WWP1: variants seen among roughly 807,000 people sequenced by gnomAD.
WWP1 encodes the protein WW domain containing E3 ubiquitin protein ligase 1.
Under a neutral mutation model 130.6 loss-of-function variants are expected in WWP1, and 49 were observed. That is an observed-to-expected ratio of 0.38 (90% confidence interval 0.30 to 0.48). The LOEUF (loss-of-function observed/expected upper bound fraction) is 0.48, where lower values mean the gene tolerates loss of function less well. Ranked by LOEUF, WWP1 falls within the 20% of genes least tolerant of loss-of-function variation. WWP1 has a pLI of 0.99. For synonymous variants in WWP1, 332 were observed against 367.8 expected, an observed-to-expected ratio of 0.90 and a Z score of 1.11; for missense variants, 809 against 1,100.6, an observed-to-expected ratio of 0.74 and a Z score of 3.75.
intron 9 of WWP1, 115 bp from the exon 10 acceptor site, chr8:86,425,108 G>A: frequency 4.5e-6 from 3 of 663,908 alleles, no homozygotes; most frequent in Non-Finnish European, 5.0e-6. Flanking sequence ...CTGTGTGTGT[G>A]TATAGTCTTT....
At chr8:86,433,130 T>A (rs1338545876) in intron 14 of WWP1, among the ~76,000 whole-genome samples, 2 of 152,122 alleles carry the variant, frequency 1.3e-5, no homozygotes, top group Non-Finnish European at 2.9e-5. Context: ...TTCTCTCTCC[T>A]GGCAAAAGTA....
At chr8:86,401,982 T>C (rs1808007870) in intron 7 of WWP1, 37 bp from the exon 8 acceptor site, 2 of 1,501,208 alleles carry the variant, frequency 1.3e-6, no homozygotes, top group Non-Finnish European at 1.8e-6. Context: ...TGTTGAATTA[T>C]ACTTAAATGA....
At chr8:86,400,039 G>A (rs1370653947) in intron 7 of WWP1, among the ~76,000 whole-genome samples, 2 of 152,090 alleles carry the variant, frequency 1.3e-5, no homozygotes, top group Non-Finnish European at 2.9e-5. Context: ...TGGGATAAAG[G>A]TAGATAGTAG....
chr8:86,448,091 C>T, intron 18 of WWP1, 57 bp from the exon 19 acceptor site: 1 of 1,422,996 alleles, frequency 7.0e-7, no homozygotes, highest in Non-Finnish European at 9.4e-7. Context: ...TATCATTGTT[C>T]TCTAAGAAAT....
At chr8:86,426,075 G>A (rs570933940) in intron 10 of WWP1, among the ~76,000 whole-genome samples, 9 of 152,206 alleles carry the variant, frequency 5.9e-5, no homozygotes, top group African/African-American at 2.2e-4. Flanking sequence ...TATTTTTATG[G>A]GATATTTCTC....
chr8:86,443,353 T>C (rs1810694885), intron 18 of WWP1, among the ~76,000 whole-genome samples: 1 of 152,150 alleles, frequency 6.6e-6, no homozygotes, highest in Non-Finnish European at 1.5e-5. Flanking sequence ...AGATTACAAA[T>C]GTGAGCCACC....
chr8:86,461,750 CTT>C, intron 23 of WWP1, 22 bp from the exon 24 acceptor site: 1 of 1,606,478 alleles, frequency 6.2e-7, no homozygotes, highest in Non-Finnish European at 8.5e-7. Flanking sequence ...ACCAGATAAA[CTT>C]TGTCTTATTT....
chr8:86,386,842 G>A (rs1163425533), intron 5 of WWP1: 1 of 152,132 alleles, frequency 6.6e-6, no homozygotes, highest in Non-Finnish European at 1.5e-5. Flanking sequence ...ACAGTTCTAG[G>A]ATCTGGAAGT....
Position 86,398,335 on chromosome 8 carries a change from T to C in WWP1, c.335-7T>C. The C allele has an allele frequency of 6.4e-7, 1 of 1,574,254 alleles. No homozygotes were observed. The highest frequency in any genetic ancestry group is 8.6e-7 in the Non-Finnish European group (1 of 1,160,714). The stretch of plus-strand genomic sequence containing the variant: ...AAGCTTTTAAATTAGAATATTCTTC[T>C]TTCTAGTGGAAAGAGTGAAAGAACA... On this transcript the variant is annotated splice_region_variant and splice_polypyrimidine_tract_variant and intron_variant, in intron 5 of 24. Coordinates refer to ENST00000517970, the MANE Select transcript of WWP1 (RefSeq NM_007013.4).
At chr8:86,432,925 G>C (rs1453167994) in intron 14 of WWP1, among the ~76,000 whole-genome samples, 1 of 152,092 alleles carries the variant, frequency 6.6e-6, no homozygotes, top group Non-Finnish European at 1.5e-5. Flanking sequence ...CATTTTTATT[G>C]CTCCCCTTTA....
chr8:86,437,574 T>A (rs994806485), intron 16 of WWP1, among the ~76,000 whole-genome samples: 1 of 152,158 alleles, frequency 6.6e-6, no homozygotes. Context: ...AAAATAGAAC[T>A]ATCCATTTAA....
intron 1 of WWP1, among the ~76,000 whole-genome samples, chr8:86,362,559 A>G (rs908369967): frequency 6.6e-6 from 1 of 152,102 alleles, no homozygotes; most frequent in African/African-American, 2.4e-5. Context: ...GAGTTCATCA[A>G]AGGAATTTTT....
chr8:86,384,332 T>C (rs1215230915), intron 5 of WWP1, among the ~76,000 whole-genome samples: 1 of 152,216 alleles, frequency 6.6e-6, no homozygotes, highest in Non-Finnish European at 1.5e-5. Flanking sequence ...ATCATAATCC[T>C]TTTACAATAG....
In WWP1 at chr8:86,381,594, A is replaced by AT; in HGVS notation, c.302dup (p.Leu101PhefsTer10). ...GCTTTATTAGGAAAAGCAACGATAG[A>AT]TTTGAAACAAGCTCTGTTGATACAC... is the stretch of plus-strand genomic sequence containing the variant. On this transcript the variant is annotated frameshift_variant, in exon 5 of 25. Transcript: ENST00000517970. LOFTEE classifies it high-confidence loss of function. 6.2e-7 allele frequency: 1 copy of AT among 1,608,774 alleles called. No individual in the cohort carries two copies.
At chr8:86,441,191 C>T (rs1810572713) in intron 17 of WWP1, among the ~76,000 whole-genome samples, 2 of 152,138 alleles carry the variant, frequency 1.3e-5, no homozygotes, top group African/African-American at 4.8e-5. Flanking sequence ...AGGGTTTATT[C>T]CTAGTTTTAT....
At chr8:86,463,959 G>C (rs1472737521) in intron 24 of WWP1, among the ~76,000 whole-genome samples, 1 of 152,026 alleles carries the variant, frequency 6.6e-6, no homozygotes, top group African/African-American at 2.4e-5. Flanking sequence ...TACTCTGGAG[G>C]CTGAGGTGGG....
At chr8:86,422,830 A>G (rs1809305068) in intron 9 of WWP1, among the ~76,000 whole-genome samples, 1 of 152,198 alleles carries the variant, frequency 6.6e-6, no homozygotes, top group Non-Finnish European at 1.5e-5. Flanking sequence ...TCATTTCCAT[A>G]AATTCAGAGA....
chr8:86,430,633 T>C, intron 11 of WWP1, 64 bp from the exon 12 acceptor site: 1 of 1,361,430 alleles, frequency 7.3e-7, no homozygotes, highest in Non-Finnish European at 1.0e-6. Flanking sequence ...ATGCTTGGCT[T>C]ATTTCTACTT....
At chr8:86,418,654 C>T (rs376298492) in intron 9 of WWP1, among the ~76,000 whole-genome samples, 2 of 152,250 alleles carry the variant, frequency 1.3e-5, no homozygotes, top group East Asian at 3.9e-4. Flanking sequence ...ACCCTAATTC[C>T]CTTCCCTGCA....
Sources: allele counts gnomAD v4.1 joint callset (sites outside exome capture counted in the v4.1 genomes callset), GRCh38; gene constraint gnomAD v4.1.1; transcripts MANE v1.5; gene names NCBI Gene and HGNC (gene_info 2026-07-23, HGNC 2026-07-21).